SOX13: variants seen among roughly 807,000 people sequenced by gnomAD.
The protein encoded by SOX13 is SRY-box transcription factor 13.
A neutral mutation model predicts 71.8 loss-of-function variants in SOX13; 28 were observed. The observed-to-expected ratio is 0.39, with a 90% CI of 0.29 to 0.53. The LOEUF is 0.53. Ranked by LOEUF, SOX13 falls within the 20% of genes least tolerant of loss-of-function variation. The pLI, the probability that SOX13 is intolerant of heterozygous loss-of-function variation, is 0.70. For missense variants in SOX13, 627 were observed against 810.3 expected (o/e 0.77, Z 2.75); for synonymous variants, 309 against 317.8 (o/e 0.97, Z 0.29).
At position 204,088,871 on chromosome 1, in the gene SOX13, A is replaced by G. The variant is rs148078363; in HGVS notation, c.-2+15160A>G. On this transcript the variant is annotated intron_variant, in intron 1 of 13. Transcript: ENST00000367204. The stretch of plus-strand genomic sequence containing the variant: ...GAAAGCTCAATTAGAGTTCGGACAA[A>G]TACATACTGTGCAGGCTCCTCGGGA... Among the ~76,000 whole-genome samples the G allele has an allele frequency of 2.7e-3, 407 of 152,222 alleles. 1 individual carries two copies. Among genetic ancestry groups the G allele is most frequent in the African/African-American group, 9.2e-3 (381 of 41,538 alleles).
intron 4 of SOX13, 71 bp from the exon 5 acceptor site, chr1:204,116,436 G>A (rs1656695514): frequency 6.2e-7 from 1 of 1,612,632 alleles, no homozygotes. Context: ...TGATGGATGG[G>A]TGGATAGATG....
At chr1:204,106,690 A>G in intron 1 of SOX13, among the ~76,000 whole-genome samples, 1 of 152,002 alleles carries the variant, frequency 6.6e-6, no homozygotes, top group East Asian at 1.9e-4. Flanking sequence ...TTTTTACTGG[A>G]GTCAGGGTTT....
chr1:204,089,470 T>C (rs1230456301), intron 1 of SOX13, among the ~76,000 whole-genome samples: 2 of 152,082 alleles, frequency 1.3e-5, no homozygotes, highest in African/African-American at 4.8e-5. Flanking sequence ...TGGAACAAAA[T>C]CATAGTTTCT....
At position 204,122,973 on chromosome 1, in the gene SOX13, C is replaced by T; in HGVS notation, c.1134+10C>T. On this transcript the variant is annotated intron_variant, in intron 10 of 13. Coordinates refer to ENST00000367204, the MANE Select transcript of SOX13 (RefSeq NM_005686.3). ...CACCCCCTTCCGTAAGGTATGGTCC[C>T]CCACTCCCTTGAGCCTAGGGGCAGC... 2 of 1,563,964 alleles carry T rather than the reference C, an allele frequency of 1.3e-6. No individual in the cohort carries two copies. Among genetic ancestry groups the T allele is most frequent in the Non-Finnish European group, 1.7e-6 (2 of 1,143,246 alleles).
At chr1:204,091,241 T>C (rs1022609117) in intron 1 of SOX13, among the ~76,000 whole-genome samples, 12 of 152,098 alleles carry the variant, frequency 7.9e-5, no homozygotes, top group African/African-American at 2.7e-4. Flanking sequence ...AAAAGACAAG[T>C]CGCGTTTCCT....
intron 1 of SOX13, chr1:204,074,058 C>T (rs1328780260): frequency 6.6e-6 from 1 of 152,116 alleles, no homozygotes; most frequent in Non-Finnish European, 1.5e-5. Flanking sequence ...ACCCCCAACC[C>T]GCTCCTCGCC....
intron 2 of SOX13, 40 bp downstream of exon 2, chr1:204,113,174 G>A (rs766193370): frequency 4.6e-5 from 66 of 1,449,420 alleles, no homozygotes; most frequent in Middle Eastern, 2.4e-4. Flanking sequence ...ACACCCATGC[G>A]CTGTACCTGG....
chr1:204,113,021 G>T lies in SOX13; in HGVS notation c.106G>T (p.Ala36Ser). The stretch of plus-strand genomic sequence containing the variant: ...GGAGAAGAAAGAGCCTTGCCACGAG[G>T]CCCCCCAGGGCTCAGCCACTGCCGC... ...SEEKKEPCHE[A>S]PQGSATAAEP... The change falls in exon 2 of 14, where the codon GCC becomes TCC. Residue 36 changes from alanine to serine, a missense_variant. Ala to Ser is a moderately conservative substitution (Grantham distance 99). Transcript: ENST00000367204. 3 of 1,612,628 alleles carry T rather than the reference G, an allele frequency of 1.9e-6. No homozygotes were observed. Among genetic ancestry groups the T allele is most frequent in the Non-Finnish European group, 2.5e-6 (3 of 1,179,638 alleles).
chr1:204,126,658 T>C lies in SOX13; in HGVS notation c.*524T>C, dbSNP rs1656928770. The C allele has an allele frequency of 5.8e-6, 1 of 173,624 alleles. No individual in the cohort carries two copies. The allele number at this position is 173,624 out of a possible 1,614,324, so 10.8% of individuals were successfully genotyped here. On this transcript the variant is annotated 3_prime_UTR_variant, in exon 14 of 14. Transcript: ENST00000367204. ...GCCTATTGTGCCTCTGGCTGCTGTA[T>C]GTGTGCGCGTGCACGTGTGTGTGTT...
At chr1:204,098,453 T>G (rs187776633) in intron 1 of SOX13, among the ~76,000 whole-genome samples, 123 of 152,044 alleles carry the variant, frequency 8.1e-4, no homozygotes, top group African/African-American at 2.7e-3. Context: ...CACTCCAGCC[T>G]GGGTGACAGA....
At chr1:204,122,734 A>C (rs1656834702) in intron 9 of SOX13, 120 bp from the exon 10 acceptor site, 3 of 657,756 alleles carry the variant, frequency 4.6e-6, no homozygotes, top group Non-Finnish European at 8.0e-6. Flanking sequence ...AGGAGGGAAC[A>C]CTAACTCAGG....
chr1:204,117,851 C>A, intron 7 of SOX13, 144 bp downstream of exon 7: 1 of 612,544 alleles, frequency 1.6e-6, no homozygotes. Flanking sequence ...AAGAATCATC[C>A]TCTTTTTCTG....
intron 1 of SOX13, among the ~76,000 whole-genome samples, chr1:204,091,733 C>CGTGTGT (rs4018610): frequency 5.3e-5 from 8 of 150,276 alleles, no homozygotes; most frequent in East Asian, 4.0e-4. Flanking sequence ...TGTGCGTGTG[C>CGTGTGT]GTGTGTGTGT....
At chr1:204,092,536 A>G (rs1273953035) in intron 1 of SOX13, among the ~76,000 whole-genome samples, 4 of 152,168 alleles carry the variant, frequency 2.6e-5, no homozygotes, top group African/African-American at 9.7e-5. Context: ...AAAGAATAAC[A>G]CCTACTTTGA....
At chr1:204,120,221 G>A (rs1234885274) in intron 7 of SOX13, among the ~76,000 whole-genome samples, 1 of 152,198 alleles carries the variant, frequency 6.6e-6, no homozygotes, top group Non-Finnish European at 1.5e-5. Flanking sequence ...GTTAGCTGGG[G>A]GAATGGGGAG....
At chr1:204,100,807 C>CG (rs1656346597) in intron 1 of SOX13, among the ~76,000 whole-genome samples, 1 of 152,178 alleles carries the variant, frequency 6.6e-6, no homozygotes, top group African/African-American at 2.4e-5. Flanking sequence ...GGTGATTAGG[C>CG]TTACATGAGG....
At chr1:204,105,263 T>G (rs777752682) in intron 1 of SOX13, among the ~76,000 whole-genome samples, 15 of 152,152 alleles carry the variant, frequency 9.9e-5, no homozygotes, top group Non-Finnish European at 1.8e-4. Context: ...TCTTCACTTC[T>G]TAAGGATGCT....
At chr1:204,105,382 C>A (rs1274200589) in intron 1 of SOX13, among the ~76,000 whole-genome samples, 3 of 150,538 alleles carry the variant, frequency 2.0e-5, no homozygotes, top group Non-Finnish European at 4.4e-5. Context: ...AGCGCCCCAG[C>A]TGGCTGAAGG....
At chr1:204,084,481 G>A (rs953240669) in intron 1 of SOX13, among the ~76,000 whole-genome samples, 9 of 152,188 alleles carry the variant, frequency 5.9e-5, no homozygotes, top group African/African-American at 1.4e-4. Flanking sequence ...CAGCCTCCAG[G>A]GCTGCCAGGA....
Sources: allele counts gnomAD v4.1 joint callset (sites outside exome capture counted in the v4.1 genomes callset), GRCh38; gene constraint gnomAD v4.1.1; transcripts MANE v1.5; gene names NCBI Gene and HGNC (gene_info 2026-07-23, HGNC 2026-07-21).